Variants in SLC9A8 observed in about 807,000 individuals in gnomAD.
SLC9A8 encodes the protein solute carrier family 9 member A8.
Under a neutral mutation model 66.6 loss-of-function variants are expected in SLC9A8, and 48 were observed. That is an observed-to-expected ratio of 0.72 (90% CI 0.57 to 0.92). The LOEUF is 0.92. Among genes scored for constraint, SLC9A8 ranks in the 40% least tolerant of loss-of-function variants. SLC9A8 has a pLI of 0.00. For missense variants in SLC9A8, 599 were observed against 747.3 expected (o/e 0.80, Z 2.31); for synonymous variants, 274 against 282.6 (o/e 0.97, Z 0.31).
intron 3 of SLC9A8, among the ~76,000 whole-genome samples, chr20:49,826,875 A>C (rs1463888698): frequency 2.0e-5 from 3 of 151,982 alleles, no homozygotes. Flanking sequence ...ATGCCTTTGT[A>C]TAGTTTAATT....
chr20:49,874,639 G>A, intron 10 of SLC9A8, 66 bp from the exon 11 acceptor site: 2 of 1,002,230 alleles, frequency 2.0e-6, no homozygotes, highest in Admixed American at 3.4e-5. Context: ...GGGCCTTGCA[G>A]GCATTGTGAG....
intron 3 of SLC9A8, chr20:49,831,095 C>T (rs1245121765): frequency 1.4e-5 from 9 of 625,240 alleles, no homozygotes; most frequent in Non-Finnish European, 2.1e-5. Context: ...AGCCGTCGGA[C>T]CCCCCACCCC....
At chr20:49,869,808 G>A (rs2089139907) in intron 10 of SLC9A8, among the ~76,000 whole-genome samples, 1 of 149,820 alleles carries the variant, frequency 6.7e-6, no homozygotes, top group South Asian at 2.1e-4. Flanking sequence ...ACTCTAGCCT[G>A]GCGACAGAGC....
At chr20:49,828,889 C>T (rs1429836631) in intron 3 of SLC9A8, among the ~76,000 whole-genome samples, 1 of 149,950 alleles carries the variant, frequency 6.7e-6, no homozygotes, top group East Asian at 1.9e-4. Context: ...ATATTTTACA[C>T]ATTAGCACAG....
At chr20:49,817,239 C>T (rs568771732) in intron 2 of SLC9A8, among the ~76,000 whole-genome samples, 1 of 151,920 alleles carries the variant, frequency 6.6e-6, no homozygotes, top group East Asian at 2.0e-4. Flanking sequence ...ATCACTTGAA[C>T]CCGGGAGGCA....
chr20:49,884,933 A>G (rs982912193), intron 14 of SLC9A8, among the ~76,000 whole-genome samples: 23 of 152,228 alleles, frequency 1.5e-4, no homozygotes, highest in African/African-American at 4.8e-4. Flanking sequence ...CTGGACATGC[A>G]TCTCTTTCTA....
intron 12 of SLC9A8, among the ~76,000 whole-genome samples, chr20:49,880,299 G>A (rs1391656859): frequency 6.7e-6 from 1 of 148,922 alleles, no homozygotes; most frequent in Non-Finnish European, 1.5e-5. Context: ...TTTACATAAA[G>A]CTGTACTTTG....
chr20:49,819,191 C>A (rs1003734744), intron 2 of SLC9A8, among the ~76,000 whole-genome samples: 11 of 152,150 alleles, frequency 7.2e-5, no homozygotes, highest in Non-Finnish European at 1.6e-4. Flanking sequence ...TTGACACATA[C>A]ATTTTATGGG....
chr20:49,820,126 C>T (rs974501738), intron 2 of SLC9A8, among the ~76,000 whole-genome samples: 1 of 152,168 alleles, frequency 6.6e-6, no homozygotes, highest in African/African-American at 2.4e-5. Flanking sequence ...ATGTTTTCCA[C>T]AGGGGCTGCA....
chr20:49,825,672 G>A (rs963347193), intron 3 of SLC9A8, among the ~76,000 whole-genome samples: 3 of 152,046 alleles, frequency 2.0e-5, no homozygotes, highest in Non-Finnish European at 4.4e-5. Context: ...AATTGGTGGG[G>A]GTAGGGGCGC....
chr20:49,817,320 A>AC (rs1324463087), intron 2 of SLC9A8, among the ~76,000 whole-genome samples: 3 of 149,228 alleles, frequency 2.0e-5, no homozygotes, highest in Non-Finnish European at 4.5e-5. Flanking sequence ...TCCATACCCC[A>AC]CCCCCCCAAA....
chr20:49,882,366 C>T (rs1033950420), intron 13 of SLC9A8, among the ~76,000 whole-genome samples: 1 of 152,214 alleles, frequency 6.6e-6, no homozygotes, highest in Non-Finnish European at 1.5e-5. Flanking sequence ...TCCCACTGCC[C>T]CTACCTTCTG....
chr20:49,835,679 C>CTTTTTTTTTT lies in SLC9A8; in HGVS notation c.290-3847_290-3838dup, dbSNP rs34461954. Among the ~76,000 whole-genome samples, 13 of 71,972 alleles carry CTTTTTTTTTT rather than the reference C, an allele frequency of 1.8e-4. 1 individual carries two copies. Among genetic ancestry groups the CTTTTTTTTTT allele is most frequent in the African/African-American group, 6.1e-4 (10 of 16,364 alleles). The allele number at this position is 71,972 out of a possible 152,430, so 47.2% of individuals were successfully genotyped here. A position where few individuals can be genotyped will look rare whatever the true frequency, so the allele number is the denominator to read the frequency against. ...TGTACTTTGTATGCCACACAATTCA[C>CTTTTTTTTTT]TTTTTTTTTTTTTTTTTTTTTTTTG... On this transcript the variant is annotated intron_variant, in intron 3 of 15. Transcript: ENST00000361573.
Position 49,888,011 on chromosome 20 carries a change from C to A in SLC9A8, c.*75C>A. On this transcript the variant is annotated 3_prime_UTR_variant, in exon 16 of 16. Transcript: ENST00000361573. ...GCGCACAGACACTCAGCAGGGGCCT[C>A]GCAGAGATGCGTGCATCCAGCAGCC... The A allele has an allele frequency of 5.3e-6, 6 of 1,132,756 alleles. No individual in the cohort carries two copies. Among genetic ancestry groups the A allele is most frequent in the South Asian group, 1.3e-5 (1 of 79,350 alleles). The allele number at this position is 1,132,756 out of a possible 1,614,324, so 70.2% of individuals were successfully genotyped here.
intron 11 of SLC9A8, among the ~76,000 whole-genome samples, chr20:49,875,712 T>G (rs1362897637): frequency 6.6e-6 from 1 of 151,880 alleles, no homozygotes; most frequent in African/African-American, 2.4e-5. Flanking sequence ...GTCATCAAAA[T>G]CACCCCTGGC....
At position 49,874,726 on chromosome 20, in the gene SLC9A8, C is replaced by A; in HGVS notation, c.980C>A (p.Ser327Ter). ...CTAGGCATCATGGCCATCCTTTTCT[C>A]AGGCATCGTGATGTCCCACTACACG... ...SLSGIMAILF[S>*]GIVMSHYTHH... The change falls in exon 11 of 16, where the codon TCA (serine) becomes TAA (stop). Residue 327 changes from serine (S) to a stop codon, truncating the protein, a stop_gained. Transcript: ENST00000361573. LOFTEE classifies it high-confidence loss of function. The A allele has an allele frequency of 6.2e-7, 1 of 1,611,200 alleles. No homozygotes were observed. The highest frequency in any genetic ancestry group is 8.5e-7 in the Non-Finnish European group (1 of 1,177,290).
At chr20:49,887,438 G>A (rs542333705) in intron 15 of SLC9A8, among the ~76,000 whole-genome samples, 2 of 152,294 alleles carry the variant, frequency 1.3e-5, no homozygotes, top group African/African-American at 4.8e-5. Context: ...GACCACGACC[G>A]CTTCCTTCTC....
In SLC9A8 at chr20:49,831,387, CACAA is replaced by C. The variant is rs1029373154; in HGVS notation, c.290-8150_290-8147del. On this transcript the variant is annotated intron_variant, in intron 3 of 15. Transcript: ENST00000361573. ...ACACGAGGAGGTGGCTGTGTACACA[CACAA>C]ACACACACACACTCTCTCTCTCTCT... Among the ~76,000 whole-genome samples the C allele has an allele frequency of 6.0e-5, 9 of 150,022 alleles. No homozygotes were observed. In the East Asian group the frequency reaches 6.1e-4, roughly 10 times the overall value.
intron 2 of SLC9A8, among the ~76,000 whole-genome samples, chr20:49,818,355 C>T (rs1293118698): frequency 2.6e-5 from 4 of 151,998 alleles, no homozygotes; most frequent in South Asian, 2.1e-4. Context: ...GAGTTAGTGT[C>T]TCTGCTTATG....
Sources: gnomAD v4.1 joint callset for allele counts (sites outside exome capture counted in the v4.1 genomes callset) on GRCh38, gnomAD v4.1.1 for gene constraint, MANE v1.5 for transcripts, NCBI Gene and HGNC (gene_info 2026-07-23, HGNC 2026-07-21) for gene names.